Variants in CDH13 observed in about 807,000 individuals in gnomAD.
CDH13 encodes the protein cadherin 13.
Under a neutral mutation model 63.8 loss-of-function variants are expected in CDH13, and 24 were observed. The observed-to-expected ratio is 0.38, with a 90% CI of 0.27 to 0.53. The LOEUF is 0.53. Ranked by LOEUF, CDH13 falls within the 20% of genes least tolerant of loss-of-function variation. CDH13 has a pLI of 0.85. For synonymous variants in CDH13, 503 were observed against 355.3 expected (o/e 1.42, Z -4.67); for missense variants, 1,049 against 903.1 (o/e 1.16, Z -2.07).
At chr16:83,746,545 G>T (rs1912602029) in intron 10 of CDH13, among the ~76,000 whole-genome samples, 1 of 152,128 alleles carries the variant, frequency 6.6e-6, no homozygotes, top group South Asian at 2.1e-4. Context: ...GAAGACTCGG[G>T]GTTAACTTGC....
At chr16:83,493,652 T>C (rs570748180) in intron 7 of CDH13, among the ~76,000 whole-genome samples, 95 of 152,262 alleles carry the variant, frequency 6.2e-4, no homozygotes, top group Non-Finnish European at 1.2e-3. Context: ...TATAGAGAGA[T>C]ACCAGAAAAG....
At chr16:82,929,857 G>C (rs143257973) in intron 2 of CDH13, among the ~76,000 whole-genome samples, 10 of 151,652 alleles carry the variant, frequency 6.6e-5, no homozygotes, top group South Asian at 2.1e-4. Context: ...AAACATACCT[G>C]TAGAAAGGAG....
At chr16:82,920,977 A>C (rs1409777734) in intron 2 of CDH13, among the ~76,000 whole-genome samples, 1 of 152,162 alleles carries the variant, frequency 6.6e-6, no homozygotes. Context: ...TTTTTTCTGC[A>C]TCTTTTGAGA....
chr16:83,521,345 GA>G (rs532162703), intron 7 of CDH13, among the ~76,000 whole-genome samples: 89 of 141,486 alleles, frequency 6.3e-4, no homozygotes, highest in East Asian at 1.6e-3. Context: ...TGAAATTTAG[GA>G]AAAAAAAAAA....
chr16:83,486,029 G>A (rs911085739), intron 6 of CDH13, among the ~76,000 whole-genome samples: 2 of 152,162 alleles, frequency 1.3e-5, no homozygotes, highest in African/African-American at 4.8e-5. Flanking sequence ...TGTAATCCCA[G>A]CTACTTAGGA....
chr16:83,116,768 T>A (rs2035319701), intron 3 of CDH13, among the ~76,000 whole-genome samples: 1 of 152,214 alleles, frequency 6.6e-6, no homozygotes, highest in African/African-American at 2.4e-5. Context: ...AATTTCATGG[T>A]ACGTAAATTA....
chr16:83,467,891 C>T (rs1453806649), intron 6 of CDH13, among the ~76,000 whole-genome samples: 1 of 152,286 alleles, frequency 6.6e-6, no homozygotes, highest in East Asian at 1.9e-4. Context: ...ATAAACAGTC[C>T]GTTTGACAGG....
At chr16:83,184,932 AT>A (rs66615885) in intron 4 of CDH13, among the ~76,000 whole-genome samples, 28,861 of 149,974 alleles carry the variant, frequency 0.19, 3,326 homozygotes, top group African/African-American at 0.32. Context: ...GTAGCAGCTT[AT>A]TTTTTTTCTA....
intron 11 of CDH13, among the ~76,000 whole-genome samples, chr16:83,757,081 A>G (rs72801006): frequency 0.033 from 4,963 of 152,332 alleles, 120 homozygotes; most frequent in East Asian, 0.087. Context: ...TATATCCTCC[A>G]ATCACAATGG....
At chr16:83,448,776 G>A (rs1388235264) in intron 6 of CDH13, among the ~76,000 whole-genome samples, 1 of 152,136 alleles carries the variant, frequency 6.6e-6, no homozygotes, top group African/African-American at 2.4e-5. Context: ...AGGAGTGAAA[G>A]GAATAGAAAA....
intron 6 of CDH13, among the ~76,000 whole-genome samples, chr16:83,403,932 T>C (rs1399021814): frequency 6.6e-6 from 1 of 152,238 alleles, no homozygotes; most frequent in Non-Finnish European, 1.5e-5. Context: ...GAAGATATAA[T>C]GACACAGCCA....
chr16:82,767,709 T>C (rs2035108809), intron 1 of CDH13, among the ~76,000 whole-genome samples: 1 of 152,190 alleles, frequency 6.6e-6, no homozygotes, highest in African/African-American at 2.4e-5. Context: ...TTTTCCAAAG[T>C]CTGCATTGAC....
At chr16:83,243,361 A>G (rs2151817043) in intron 5 of CDH13, among the ~76,000 whole-genome samples, 1 of 152,250 alleles carries the variant, frequency 6.6e-6, no homozygotes, top group East Asian at 1.9e-4. Flanking sequence ...CAGGGAAGAG[A>G]GAGAACTTGT....
chr16:83,715,989 G>A (rs1048608517), intron 10 of CDH13, among the ~76,000 whole-genome samples: 2 of 152,134 alleles, frequency 1.3e-5, no homozygotes, highest in African/African-American at 2.4e-5. Flanking sequence ...TCTTTCCCCA[G>A]TATATGCAAT....
intron 6 of CDH13, among the ~76,000 whole-genome samples, chr16:83,346,385 G>T (rs1277011834): frequency 6.6e-6 from 1 of 152,288 alleles, no homozygotes; most frequent in Non-Finnish European, 1.5e-5. Flanking sequence ...TCTTAAACGA[G>T]CTGATGTGCA....
intron 8 of CDH13, among the ~76,000 whole-genome samples, chr16:83,609,519 GT>G (rs1162700323): frequency 6.6e-6 from 1 of 152,152 alleles, no homozygotes; most frequent in African/African-American, 2.4e-5. Flanking sequence ...TTTCCAATGT[GT>G]TTATTATGAT....
intron 6 of CDH13, among the ~76,000 whole-genome samples, chr16:83,483,918 C>A (rs78846434): frequency 2.0e-5 from 3 of 152,154 alleles, no homozygotes; most frequent in Non-Finnish European, 1.5e-5. Flanking sequence ...CATGCTGTTC[C>A]TGCTGTCTTC....
chr16:83,530,013 G>T (rs1297887166), intron 7 of CDH13, among the ~76,000 whole-genome samples: 2 of 152,146 alleles, frequency 1.3e-5, no homozygotes, highest in African/African-American at 2.4e-5. Flanking sequence ...GGAGTTGCAA[G>T]CAGAGGGTGC....
chr16:83,153,344 C>G (rs1474024545), intron 4 of CDH13, among the ~76,000 whole-genome samples: 1 of 152,030 alleles, frequency 6.6e-6, no homozygotes, highest in Non-Finnish European at 1.5e-5. Context: ...GTTGATCCAT[C>G]AAATGCAGAG....
Sources: allele counts gnomAD v4.1 joint callset (sites outside exome capture counted in the v4.1 genomes callset), GRCh38; gene constraint gnomAD v4.1.1; transcripts MANE v1.5; gene names NCBI Gene and HGNC (gene_info 2026-07-23, HGNC 2026-07-21).